Variants in UCP3 observed in about 807,000 individuals in gnomAD.
UCP3 encodes the protein putative mitochondrial transporter UCP3.
A neutral mutation model predicts 28.1 loss-of-function variants in UCP3; 24 were observed. The ratio of observed to expected loss-of-function variants is 0.85; its 90% CI spans 0.62 to 1.20. UCP3 has a LOEUF of 1.20. UCP3 is among the 50% of genes most tolerant of loss of function. The probability of loss-of-function intolerance (pLI) is 0.00; values close to 1 mark genes in which losing one functional copy is unlikely to be tolerated. For synonymous variants in UCP3, 184 were observed against 171.2 expected (o/e 1.07, Z -0.59); for missense variants, 397 against 422.2 (o/e 0.94, Z 0.52).
At chr11:74,001,822 A>G (rs1429983553) in intron 6 of UCP3, 1 of 381,274 alleles carries the variant, frequency 2.6e-6, no homozygotes, top group South Asian at 2.4e-5. Context: ...TCTTTTTCAC[A>G]AACTGAGGCC....
Position 74,003,980 on chromosome 11 carries a change from G to C in UCP3, c.671C>G (p.Ala224Gly), listed in dbSNP as rs757325030. The C allele has an allele frequency of 4.2e-5, 67 of 1,613,968 alleles. No homozygotes were observed. The highest frequency in any genetic ancestry group is 1.6e-4 in the Middle Eastern group (1 of 6,084). Reference sequence around the variant, plus strand: ...TGTGGCACAGAAGCCGGCTCCAAAGGCAGAGACAAAGTGGCAGGGGAAGTT... The same window carrying C: ...TGTGGCACAGAAGCCGGCTCCAAAGCCAGAGACAAAGTGGCAGGGGAAGTT... The part of the protein sequence containing the change: ...TDNFPCHFVS[A>G]FGAGFCATVV... The change falls in exon 6 of 7, where the codon GCC becomes GGC. Residue 224 changes from alanine (A) to glycine (G), a missense_variant. Ala to Gly is a moderately conservative substitution (Grantham distance 60). Coordinates refer to ENST00000314032, the MANE Select transcript of UCP3 (RefSeq NM_003356.4).
intron 6 of UCP3, 51 bp downstream of exon 6, chr11:74,003,776 A>G (rs1365234131): frequency 1.3e-6 from 2 of 1,526,224 alleles, no homozygotes; most frequent in Non-Finnish European, 1.8e-6. Flanking sequence ...TTCGAAAAGA[A>G]AGAAGCCCCT....
chr11:74,001,399 C>T lies in UCP3; in HGVS notation c.*13G>A. 1 of 1,613,976 alleles carries T rather than the reference C, an allele frequency of 6.2e-7. No homozygotes were observed. The highest frequency in any genetic ancestry group is 1.1e-5 in the South Asian group (1 of 91,084). ...TTCGGACACGTTAGCTACCAGTGGC[C>T]TTCTTGTCTTGTTCAAAACGGTGAT... On this transcript the variant is annotated 3_prime_UTR_variant, in exon 7 of 7. Coordinates refer to ENST00000314032, the MANE Select transcript of UCP3 (RefSeq NM_003356.4).
rs528438966 is a variant in UCP3 at position 74,001,490 on chromosome 11, G to C, written c.861C>G (p.Asn287Lys). 1 of 1,614,076 alleles carries C rather than the reference G, an allele frequency of 6.2e-7. No homozygotes were observed. Among genetic ancestry groups the C allele is most frequent in the Admixed American group, 1.7e-5 (1 of 59,998 alleles). ...GCTCATAGGTTACGAACATCACCAC[G>C]TTCCAGGATCCCAAACGCAAAAAGG... ...TPSFLRLGSW[N>K]VVMFVTYEQL... is the part of the protein sequence containing the mutation. Residue 287 changes from asparagine (N) to lysine (K), a missense_variant, in exon 7 of 7, where the codon AAC becomes AAG. By Grantham distance (94) the Asn-to-Lys change is moderately conservative. Transcript: ENST00000314032.
chr11:74,003,485 G>A lies in UCP3; in HGVS notation c.824+342C>T, dbSNP rs142098686. 49 of 1,023,974 alleles carry A rather than the reference G, an allele frequency of 4.8e-5. No individual in the cohort carries two copies. The East Asian group carries it at 3.1e-3, about 65-fold the overall frequency. 63.4% of individuals were successfully genotyped at this position (1,023,974 alleles called of 1,614,324 possible). On this transcript the variant is annotated intron_variant, in intron 6 of 6. Coordinates refer to ENST00000314032, the MANE Select transcript of UCP3 (RefSeq NM_003356.4). The stretch of plus-strand genomic sequence containing the variant: ...CAGTAAGTGCAAGAAAACGTGGAGC[G>A]TGTGGAGACAGTGAGGAAGGCACTG...
rs1951671173 is a variant in UCP3 at position 74,006,900 on chromosome 11, G to A, written c.126+17C>T. The A allele has an allele frequency of 6.2e-7, 1 of 1,614,114 alleles. No individual in the cohort carries two copies. The highest frequency in any genetic ancestry group is 8.5e-7 in the Non-Finnish European group (1 of 1,180,018). On this transcript the variant is annotated intron_variant, in intron 2 of 6. Transcript: ENST00000314032. The stretch of plus-strand genomic sequence containing the variant: ...TCCTTCCATGTGATCAATGACCCTT[G>A]GCCAAAGGGCACCTACCTGCAGGCG...
At chr11:74,004,424 G>A (rs555510878) in intron 5 of UCP3, 60 bp downstream of exon 5, 12 of 1,523,210 alleles carry the variant, frequency 7.9e-6, no homozygotes, top group African/African-American at 6.9e-5. Flanking sequence ...CCCACTCCAC[G>A]GAGTTCTGGG....
chr11:74,004,575 G>A lies in UCP3; in HGVS notation c.552C>T (p.Pro184=), dbSNP rs754444951. Residue 184 remains proline, a synonymous_variant, in exon 5 of 7, where the codon CCC becomes CCT. Transcript: ENST00000314032. ...TGACGATAGCATTCCTCATGATGTT[G>A]GGCAAAGTTCCTGTTAGGAAGGCGG... ...GVRGLWKGTL[P]NIMRNAIVNC... is the part of the protein sequence containing the mutation. 9.9e-6 allele frequency: 16 copies of A among 1,613,540 alleles called. No homozygotes were observed. In the East Asian group the frequency reaches 3.1e-4, roughly 31 times the overall value.
chr11:74,007,501 G>A (rs558430525), intron 1 of UCP3, among the ~76,000 whole-genome samples: 8 of 152,084 alleles, frequency 5.3e-5, no homozygotes, highest in African/African-American at 1.9e-4. Flanking sequence ...TGCAATCCAG[G>A]CTCACTGCAG....
intron 6 of UCP3, 45 bp downstream of exon 6, chr11:74,003,782 C>T (rs1454093531): frequency 2.6e-6 from 4 of 1,533,690 alleles, no homozygotes; most frequent in Non-Finnish European, 3.5e-6. Context: ...AAGAAAGAAG[C>T]CCCTGTTCTC....
In UCP3 at chr11:74,005,763, C is replaced by A. The variant is rs769174792; in HGVS notation, c.508G>T (p.Ala170Ser). Residue 170 changes from alanine to serine, a missense_variant, in exon 4 of 7, where the codon GCC (alanine) becomes TCC (serine). Coordinates refer to ENST00000314032, the MANE Select transcript of UCP3 (RefSeq NM_003356.4). ...SGTMDAYRTI[A>S]REEGVRGLWK... The stretch of plus-strand genomic sequence containing the variant: ...AGGCCCCTGACTCCTTCCTCCCTGG[C>A]GATGGTTCTGTAGGCGTCCATAGTC... 6.2e-7 allele frequency: 1 copy of A among 1,614,214 alleles called. No individual in the cohort carries two copies. The highest frequency in any genetic ancestry group is 8.5e-7 in the Non-Finnish European group (1 of 1,180,034).
chr11:74,004,351 A>G, intron 5 of UCP3, 133 bp downstream of exon 5: 1 of 838,962 alleles, frequency 1.2e-6, no homozygotes, highest in Non-Finnish European at 1.9e-6. Flanking sequence ...TGTACCTGGC[A>G]CTTTTTACTA....
At chr11:74,006,837 G>A in intron 2 of UCP3, 80 bp downstream of exon 2, 1 of 1,608,000 alleles carries the variant, frequency 6.2e-7, no homozygotes, top group Non-Finnish European at 8.5e-7. Flanking sequence ...AGGGCATGTG[G>A]GCACACGTCA....
chr11:74,005,990 T>C (rs1359264094), intron 3 of UCP3, 57 bp from the exon 4 acceptor site: 2 of 1,596,124 alleles, frequency 1.3e-6, no homozygotes, highest in Non-Finnish European at 1.7e-6. Context: ...TTCTGGGACA[T>C]GCTGTTCTCT....
At position 74,006,266 on chromosome 11, in the gene UCP3, C is replaced by A; in HGVS notation, c.240G>T (p.Gly80=). The A allele has an allele frequency of 6.2e-7, 1 of 1,613,806 alleles. No individual in the cohort carries two copies. Among genetic ancestry groups the A allele is most frequent in the East Asian group, 2.2e-5 (1 of 44,886 alleles). Reference sequence around the variant, plus strand: ...TCTGGCGCTGCAGGCCGGCCACCAGCCCATTGTAGGGGCTGCAGGGACCCT... The same window carrying A: ...TCTGGCGCTGCAGGCCGGCCACCAGACCATTGTAGGGGCTGCAGGGACCCT... ...RTEGPCSPYN[G]LVAGLQRQMS... is the part of the protein sequence containing the mutation. Residue 80 remains glycine, a synonymous_variant, in exon 3 of 7, where the codon GGG becomes GGT. Coordinates refer to ENST00000314032, the MANE Select transcript of UCP3 (RefSeq NM_003356.4).
chr11:74,005,710 C>A lies in UCP3; in HGVS notation c.541+20G>T. 1 of 1,613,566 alleles carries A rather than the reference C, an allele frequency of 6.2e-7. No homozygotes were observed. Among genetic ancestry groups the A allele is most frequent in the African/African-American group, 1.3e-5 (1 of 75,052 alleles). On this transcript the variant is annotated intron_variant, in intron 4 of 6. Transcript: ENST00000314032. ...GGAAAGCTCTGCCTAAGACCGCCTGCGTCCAGAGTCCAGACCTACCTTTCC... is the reference window on the plus strand; with the variant it reads ...GGAAAGCTCTGCCTAAGACCGCCTGAGTCCAGAGTCCAGACCTACCTTTCC...
intron 6 of UCP3, 137 bp from the exon 7 acceptor site, chr11:74,001,663 GTCTC>G (rs3837411): frequency 1.4e-5 from 10 of 712,732 alleles, no homozygotes; most frequent in African/African-American, 3.7e-5. Context: ...AATCCTTTCA[GTCTC>G]TCTCTCTCTT....
Position 74,006,261 on chromosome 11 carries a change from A to T in UCP3, c.245T>A (p.Val82Glu), listed in dbSNP as rs1591237200. 6.2e-7 allele frequency: 1 copy of T among 1,613,678 alleles called. No individual in the cohort carries two copies. Among genetic ancestry groups the T allele is most frequent in the African/African-American group, 1.3e-5 (1 of 74,926 alleles). The change falls in exon 3 of 7, where the codon GTG becomes GAG. Residue 82 changes from valine (V) to glutamate (E), a missense_variant. Physicochemically the swap from Val to Glu is moderately radical, Grantham distance 121 (BLOSUM62 -2). Transcript: ENST00000314032. ...EGPCSPYNGLVAGLQRQMSFA... is the reference protein window; with the variant it reads ...EGPCSPYNGLEAGLQRQMSFA... ...GCTCATCTGGCGCTGCAGGCCGGCCACCAGCCCATTGTAGGGGCTGCAGGG... is the reference window on the plus strand; with the variant it reads ...GCTCATCTGGCGCTGCAGGCCGGCCTCCAGCCCATTGTAGGGGCTGCAGGG...
At chr11:74,002,629 C>G (rs1408986720) in intron 6 of UCP3, 1 of 426,848 alleles carries the variant, frequency 2.3e-6, no homozygotes, top group Non-Finnish European at 3.1e-6. Flanking sequence ...ATCTGCTGCT[C>G]TTTGAGGGAG....
Sources: gnomAD v4.1 joint callset for allele counts (sites outside exome capture counted in the v4.1 genomes callset) on GRCh38, gnomAD v4.1.1 for gene constraint, MANE v1.5 for transcripts, NCBI Gene and HGNC (gene_info 2026-07-23, HGNC 2026-07-21) for gene names.